Variants in TG observed in about 807,000 individuals in gnomAD.
TG encodes thyroglobulin.
Under a neutral mutation model 324.7 loss-of-function variants are expected in TG, and 270 were observed. The ratio of observed to expected loss-of-function variants is 0.83; its 90% CI spans 0.75 to 0.92. TG has a LOEUF of 0.92. TG is among the 40% of genes least tolerant of loss of function. The pLI is 0.00. For missense variants in TG, 3,591 were observed against 3,456.4 expected (o/e 1.04, Z -0.98); for synonymous variants, 1,401 against 1,327.0 (o/e 1.06, Z -1.21).
At chr8:132,935,634 C>T (rs1414178555) in intron 24 of TG, 122 bp from the exon 25 acceptor site, 5 of 829,574 alleles carry the variant, frequency 6.0e-6, no homozygotes, top group Non-Finnish European at 8.1e-6. Flanking sequence ...TCCAATAGAC[C>T]AGGAGCAACT....
At chr8:133,040,317 G>GA in intron 41 of TG, 1 of 629,666 alleles carries the variant, frequency 1.6e-6, no homozygotes, top group Non-Finnish European at 2.8e-6. Context: ...TTTGAGAAAT[G>GA]TAAGCGTGCC....
At chr8:133,134,516 G>A (rs1482790635) in intron 47 of TG, among the ~76,000 whole-genome samples, 160 bp from the exon 48 acceptor site, 3 of 152,196 alleles carry the variant, frequency 2.0e-5, no homozygotes, top group African/African-American at 7.2e-5. Context: ...CTATAGCCAG[G>A]AGACCCATCT....
rs142432006 is a variant in TG at position 132,873,137 on chromosome 8, C to T, written c.554C>T (p.Ala185Val). ...VGDKSPPQCSAEGEFMPVQCK... is the reference protein window; with the variant it reads ...VGDKSPPQCSVEGEFMPVQCK... Reference sequence around the variant, plus strand: ...GATAAGTCACCACCCCAGTGTTCTGCGGAGGGAGAGTTTATGCCTGTCCAG... The same window carrying T: ...GATAAGTCACCACCCCAGTGTTCTGTGGAGGGAGAGTTTATGCCTGTCCAG... Residue 185 changes from alanine to valine, a missense_variant, in exon 5 of 48, where the codon GCG (alanine) becomes GTG (valine). Ala to Val is a moderately conservative substitution (Grantham distance 64). Transcript: ENST00000220616. The T allele has an allele frequency of 4.4e-5, 71 of 1,614,112 alleles. No homozygotes were observed. The highest frequency in any genetic ancestry group is 2.2e-4 in the Admixed American group (13 of 60,018).
rs1563914322 is a variant in TG, at chr8:132,888,583, A to G, written c.2761+15A>G. The G allele has an allele frequency of 1.2e-6, 2 of 1,602,088 alleles. No homozygotes were observed. Among genetic ancestry groups the G allele is most frequent in the Non-Finnish European group, 1.7e-6 (2 of 1,175,498 alleles). On this transcript the variant is annotated intron_variant, in intron 10 of 47. Transcript: ENST00000220616. ...GCTCCCAACATGTGAGCTAACGCATATGAAGAGTTAAATGTGTGTGTGTGT... is the reference window on the plus strand; with the variant it reads ...GCTCCCAACATGTGAGCTAACGCATGTGAAGAGTTAAATGTGTGTGTGTGT...
intron 25 of TG, among the ~76,000 whole-genome samples, chr8:132,937,962 C>G (rs1400906136): frequency 6.6e-6 from 1 of 152,080 alleles, no homozygotes; most frequent in East Asian, 1.9e-4. Flanking sequence ...AGAAGATGTG[C>G]CCGGCAGCCG....
chr8:132,886,744 C>G lies in TG; in HGVS notation c.1372C>G (p.Leu458Val). Reference protein sequence around the residue: ...FPSRGLARLALQFTTNPKRLQ... With the variant: ...FPSRGLARLAVQFTTNPKRLQ... ...CTCCCGAGGGCTGGCTCGTCTTGCC[C>G]TTCAGTTTACCACCAACCCAAAGAG... Residue 458 changes from leucine to valine, a missense_variant, in exon 9 of 48, where the codon CTT becomes GTT. Coordinates refer to ENST00000220616, the MANE Select transcript of TG (RefSeq NM_003235.5). 1 of 1,614,220 alleles carries G rather than the reference C, an allele frequency of 6.2e-7. No individual in the cohort carries two copies. The highest frequency in any genetic ancestry group is 8.5e-7 in the Non-Finnish European group (1 of 1,180,046).
chr8:133,083,342 A>T lies in TG; in HGVS notation c.7240-11702A>T, dbSNP rs73350775. Reference sequence around the variant, plus strand: ...AACAATTGCTACCACTATTTATTGTAAACTTGAAACATGTATGCACTTTAC... The same window carrying T: ...AACAATTGCTACCACTATTTATTGTTAACTTGAAACATGTATGCACTTTAC... On this transcript the variant is annotated intron_variant, in intron 41 of 47. Coordinates refer to ENST00000220616, the MANE Select transcript of TG (RefSeq NM_003235.5). 7.6e-3 allele frequency among the ~76,000 whole-genome samples: 1,158 copies of T among 152,334 alleles called. 21 individuals carry two copies. Among genetic ancestry groups the T allele is most frequent in the African/African-American group, 0.026 (1,062 of 41,560 alleles).
At chr8:132,968,433 A>C (rs1828957439) in intron 31 of TG, among the ~76,000 whole-genome samples, 1 of 152,206 alleles carries the variant, frequency 6.6e-6, no homozygotes, top group African/African-American at 2.4e-5. Flanking sequence ...TGTCAGCAAC[A>C]GTGACTTTAA....
At chr8:132,917,041 C>T (rs1434975438) in intron 20 of TG, among the ~76,000 whole-genome samples, 1 of 112,192 alleles carries the variant, frequency 8.9e-6, no homozygotes, top group African/African-American at 3.0e-5. Context: ...CTCCCTCCCT[C>T]CCTCCTTCCT....
chr8:132,976,469 C>T (rs772105503), intron 34 of TG, among the ~76,000 whole-genome samples: 7 of 152,264 alleles, frequency 4.6e-5, no homozygotes, highest in Admixed American at 6.5e-5. Context: ...AGGGGACAAA[C>T]GATGAAACCA....
Position 132,882,944 on chromosome 8 carries a change from C to T in TG, c.1020C>T (p.Asp340=), listed in dbSNP as rs138114586. Residue 340 remains aspartate, a synonymous_variant, in exon 8 of 48, where the codon GAC becomes GAT. Transcript: ENST00000220616. The part of the protein sequence containing the change: ...CQTEGPCWCV[D]AQGKEMHGTR... ...CGGAAGGGCCCTGCTGGTGTGTGGA[C>T]GCCCAGGGGAAGGAAATGCATGGAA... 264 of 1,613,970 alleles carry T rather than the reference C, an allele frequency of 1.6e-4. 1 individual carries two copies. The highest frequency in any genetic ancestry group is 2.1e-4 in the Non-Finnish European group (246 of 1,179,988).
At chr8:133,004,081 A>G (rs190252854) in intron 35 of TG, among the ~76,000 whole-genome samples, 6 of 152,334 alleles carry the variant, frequency 3.9e-5, no homozygotes, top group Admixed American at 3.9e-4. Context: ...GTCACAGAGG[A>G]AAGAGGCTGT....
chr8:133,097,803 A>G (rs1328029838), intron 43 of TG, among the ~76,000 whole-genome samples: 2 of 152,282 alleles, frequency 1.3e-5, no homozygotes, highest in East Asian at 3.9e-4. Context: ...TACATATTAT[A>G]TATATTTATG....
chr8:132,986,664 A>G (rs536327559), intron 35 of TG, among the ~76,000 whole-genome samples: 29 of 152,298 alleles, frequency 1.9e-4, no homozygotes, highest in African/African-American at 6.0e-4. Context: ...TCATCATTAT[A>G]AAAATAGCAA....
intron 9 of TG, among the ~76,000 whole-genome samples, 193 bp downstream of exon 9, chr8:132,887,741 G>T (rs1815629734): frequency 1.3e-5 from 2 of 152,170 alleles, no homozygotes; most frequent in Admixed American, 6.5e-5. Context: ...TAAATGGGGA[G>T]ATTTGTCTGG....
At chr8:132,998,669 G>A (rs954535243) in intron 35 of TG, among the ~76,000 whole-genome samples, 22 of 152,252 alleles carry the variant, frequency 1.4e-4, no homozygotes, top group Admixed American at 2.6e-4. Context: ...AAGAGCTGGC[G>A]TGAGTGGGCT....
chr8:133,063,279 C>T (rs1384616734), intron 41 of TG, among the ~76,000 whole-genome samples: 2 of 150,518 alleles, frequency 1.3e-5, no homozygotes, highest in African/African-American at 4.9e-5. Context: ...GCCCTGCCAG[C>T]CTTCCCTCCC....
Position 133,013,907 on chromosome 8 carries a change from AAGGAAG to A in TG, c.6562+144_6562+149del. ...GGTGGCACTCACTTGAGGTAGACTG[AAGGAAG>A]GTAGAAAAAATTCCTACTTCTGTAT... On this transcript the variant is annotated intron_variant, in intron 37 of 47. Coordinates refer to ENST00000220616, the MANE Select transcript of TG (RefSeq NM_003235.5). 12 of 964,144 alleles carry A rather than the reference AAGGAAG, an allele frequency of 1.2e-5. No individual in the cohort carries two copies. The South Asian group carries it at 1.8e-4, about 14-fold the overall frequency. The allele number at this position is 964,144 out of a possible 1,614,324, so 59.7% of individuals were successfully genotyped here.
intron 41 of TG, among the ~76,000 whole-genome samples, chr8:133,043,269 C>T (rs1347656355): frequency 6.6e-6 from 1 of 152,026 alleles, no homozygotes; most frequent in African/African-American, 2.4e-5. Flanking sequence ...GCCTCATGGT[C>T]CCTAGAAGCT....
Sources: gnomAD v4.1 joint callset for allele counts (sites outside exome capture counted in the v4.1 genomes callset) on GRCh38, gnomAD v4.1.1 for gene constraint, MANE v1.5 for transcripts, NCBI Gene and HGNC (gene_info 2026-07-23, HGNC 2026-07-21) for gene names.